Variants in KLHL32 observed in about 807,000 individuals in gnomAD.
KLHL32 encodes kelch like family member 32.
Under a neutral mutation model 64.8 loss-of-function variants are expected in KLHL32, and 35 were observed. The observed-to-expected ratio is 0.54, with a 90% CI of 0.41 to 0.72. The LOEUF is 0.72. KLHL32 is among the 30% of genes least tolerant of loss of function. The probability of loss-of-function intolerance (pLI) is 0.00; values close to 1 mark genes in which losing one functional copy is unlikely to be tolerated. For missense variants in KLHL32, 589 were observed against 768.5 expected, an observed-to-expected ratio of 0.77 and a Z score of 2.76; for synonymous variants, 259 against 281.0, an observed-to-expected ratio of 0.92 and a Z score of 0.78.
chr6:97,074,451 CATAA>C (rs1256598321), intron 5 of KLHL32, among the ~76,000 whole-genome samples: 2 of 152,002 alleles, frequency 1.3e-5, no homozygotes, highest in Non-Finnish European at 2.9e-5. Flanking sequence ...CTCCTAGTAA[CATAA>C]AGATATTGAT....
At chr6:97,012,583 T>C (rs559446717) in intron 3 of KLHL32, among the ~76,000 whole-genome samples, 1 of 152,366 alleles carries the variant, frequency 6.6e-6, no homozygotes, top group East Asian at 1.9e-4. Context: ...TGTGGTACTA[T>C]CACAGTAGCA....
intron 7 of KLHL32, among the ~76,000 whole-genome samples, chr6:97,121,065 G>T (rs1798310938): frequency 6.6e-6 from 1 of 152,166 alleles, no homozygotes; most frequent in African/African-American, 2.4e-5. Flanking sequence ...AATTAACAAA[G>T]CTTTCATCCT....
At chr6:96,904,989 G>C in the KLHL32 span, among the ~76,000 whole-genome samples, 4 of 152,110 alleles carry the variant, frequency 2.6e-5, no homozygotes, top group Non-Finnish European at 5.9e-5. Flanking sequence ...GCATCAGTTT[G>C]CTTTCATACT....
chr6:97,060,687 T>C (rs1022532588), intron 4 of KLHL32, among the ~76,000 whole-genome samples: 31 of 152,180 alleles, frequency 2.0e-4, no homozygotes, highest in African/African-American at 7.2e-4. Flanking sequence ...CTTGGATTGG[T>C]GACCAGAGGA....
chr6:96,983,759 ATTC>A (rs1006805439), intron 3 of KLHL32, among the ~76,000 whole-genome samples: 2 of 151,750 alleles, frequency 1.3e-5, no homozygotes, highest in African/African-American at 2.4e-5. Context: ...CGTCTATTTC[ATTC>A]TTCTTCTTTT....
chr6:97,033,539 A>T (rs1282850280), intron 3 of KLHL32, among the ~76,000 whole-genome samples: 1 of 152,096 alleles, frequency 6.6e-6, no homozygotes, highest in Non-Finnish European at 1.5e-5. Flanking sequence ...TTGCATACAT[A>T]CCCAGAAGTG....
At chr6:97,126,242 G>A (rs866347745) in intron 7 of KLHL32, among the ~76,000 whole-genome samples, 71 of 151,914 alleles carry the variant, frequency 4.7e-4, no homozygotes, top group African/African-American at 1.7e-3. Context: ...TACATGTAAG[G>A]CAATATTTCT....
intron 6 of KLHL32, among the ~76,000 whole-genome samples, chr6:97,096,556 A>G (rs937012307): frequency 6.6e-6 from 1 of 152,248 alleles, no homozygotes; most frequent in South Asian, 2.1e-4. Flanking sequence ...AGTTCTCTCC[A>G]AATCCTTTTT....
intron 6 of KLHL32, among the ~76,000 whole-genome samples, chr6:97,094,561 C>T (rs890919941): frequency 1.3e-5 from 2 of 152,074 alleles, no homozygotes; most frequent in Non-Finnish European, 2.9e-5. Context: ...TGGTGAGGAT[C>T]CACCCTTTCC....
chr6:96,924,244 G>C (rs1768869567), upstream of KLHL32, among the ~76,000 whole-genome samples: 1 of 152,190 alleles, frequency 6.6e-6, no homozygotes, highest in Admixed American at 6.5e-5. Context: ...GGAACACCGA[G>C]TTAGGGCCAC....
intron 7 of KLHL32, among the ~76,000 whole-genome samples, chr6:97,121,848 G>A (rs967238010): frequency 7.9e-5 from 12 of 152,140 alleles, no homozygotes; most frequent in African/African-American, 2.7e-4. Flanking sequence ...TTAAAGCTAC[G>A]CCATAGAAAT....
intron 3 of KLHL32, among the ~76,000 whole-genome samples, chr6:97,036,853 A>G (rs1737635): frequency 0.18 from 27,359 of 152,100 alleles, 2,941 homozygotes; most frequent in African/African-American, 0.31. Flanking sequence ...GTCAGCTGGG[A>G]TTTGTGTTGG....
chr6:96,917,956 A>C, the KLHL32 span, among the ~76,000 whole-genome samples: 1 of 152,212 alleles, frequency 6.6e-6, no homozygotes, highest in Non-Finnish European at 1.5e-5. Context: ...CGTACATTGT[A>C]GGATGTTTAG....
Position 97,139,629 on chromosome 6 carries a change from A to G in KLHL32, c.*347A>G, listed in dbSNP as rs528206583. On this transcript the variant is annotated 3_prime_UTR_variant, in exon 11 of 11. Coordinates refer to ENST00000369261, the MANE Select transcript of KLHL32 (RefSeq NM_052904.4). ...TTAGTAAGGCAATTTATTGGACACA[A>G]TGGCATCGATGATCTTAAAAATATA... The G allele has an allele frequency of 9.2e-5, 16 of 174,074 alleles. No homozygotes were observed. The South Asian group carries it at 2.3e-3, about 25-fold the overall frequency. 10.8% of individuals were successfully genotyped at this position (174,074 alleles called of 1,614,324 possible).
chr6:97,096,550 C>G (rs925624486), intron 6 of KLHL32, among the ~76,000 whole-genome samples: 2 of 152,228 alleles, frequency 1.3e-5, no homozygotes, highest in Admixed American at 6.5e-5. Flanking sequence ...TGTTTCAGTT[C>G]TCTCCAAATC....
At chr6:96,928,091 G>A (rs945486770) in intron 1 of KLHL32, among the ~76,000 whole-genome samples, 2 of 152,134 alleles carry the variant, frequency 1.3e-5, no homozygotes, top group African/African-American at 4.8e-5. Context: ...GTACATAATT[G>A]TGATTTTGAG....
At chr6:96,947,031 T>A (rs1449712019) in intron 1 of KLHL32, among the ~76,000 whole-genome samples, 17 of 152,182 alleles carry the variant, frequency 1.1e-4, no homozygotes, top group Non-Finnish European at 2.9e-5. Flanking sequence ...TTTAAAGCAT[T>A]TGTAAATGTT....
chr6:97,099,925 G>A (rs551673839), intron 6 of KLHL32, among the ~76,000 whole-genome samples: 4 of 151,472 alleles, frequency 2.6e-5, no homozygotes, highest in South Asian at 4.2e-4. Context: ...TATCTTCTTC[G>A]ATAAAAATAT....
At chr6:96,959,274 G>C (rs1773626736) in intron 1 of KLHL32, among the ~76,000 whole-genome samples, 2 of 152,182 alleles carry the variant, frequency 1.3e-5, no homozygotes, top group Admixed American at 1.3e-4. Context: ...CCTGGAGGTA[G>C]TGTGGTCTGC....
Sources: allele counts gnomAD v4.1 joint callset (sites outside exome capture counted in the v4.1 genomes callset), GRCh38; gene constraint gnomAD v4.1.1; transcripts MANE v1.5; gene names NCBI Gene and HGNC (gene_info 2026-07-23, HGNC 2026-07-21).